The following CYRIB variants were observed in gnomAD, a reference collection of about 807,000 sequenced individuals.
The protein encoded by CYRIB is CYFIP related Rac1 interactor B, also known as CYFIP-related Rac1 interactor B.
Under a neutral mutation model 44.2 loss-of-function variants are expected in CYRIB, and 8 were observed. The observed-to-expected ratio is 0.18, with a 90% CI of 0.11 to 0.33. CYRIB has a LOEUF of 0.33. Among genes scored for constraint, CYRIB ranks in the 10% least tolerant of loss-of-function variants. The pLI is 1.00. For synonymous variants in CYRIB, 131 were observed against 127.2 expected (o/e 1.03, Z -0.20); for missense variants, 185 against 382.8 (o/e 0.48, Z 4.31).
At chr8:129,906,228 A>G (rs928073161) in intron 1 of CYRIB, among the ~76,000 whole-genome samples, 4 of 152,230 alleles carry the variant, frequency 2.6e-5, no homozygotes, top group Non-Finnish European at 5.9e-5. Context: ...TAACCAAAAC[A>G]GCATGCTACT....
chr8:129,877,435 C>T (rs1388082683), intron 3 of CYRIB, among the ~76,000 whole-genome samples: 7 of 152,008 alleles, frequency 4.6e-5, no homozygotes, highest in Admixed American at 4.6e-4. Context: ...ATCACTTGAG[C>T]TCAGGAGTTT....
intron 1 of CYRIB, among the ~76,000 whole-genome samples, chr8:129,935,459 CACA>C (rs781579773): frequency 1.3e-5 from 2 of 152,148 alleles, no homozygotes; most frequent in Non-Finnish European, 2.9e-5. Context: ...ATGCACAATT[CACA>C]ACAAGGTTCA....
At chr8:129,950,045 GT>G (rs1179968190) in intron 2 of CYRIB, among the ~76,000 whole-genome samples, 1 of 152,138 alleles carries the variant, frequency 6.6e-6, no homozygotes, top group African/African-American at 2.4e-5. Flanking sequence ...ATCAGTAAAA[GT>G]TTGGGTAAAA....
upstream of CYRIB, chr8:130,016,698 G>T (rs1423584372): frequency 6.7e-6 from 1 of 148,688 alleles, no homozygotes; most frequent in Non-Finnish European, 1.5e-5. Context: ...GCCGCATCGC[G>T]GGGCCCCGGC....
At chr8:129,943,307 C>T (rs1204934749), upstream of CYRIB, among the ~76,000 whole-genome samples, 1 of 151,968 alleles carries the variant, frequency 6.6e-6, no homozygotes, top group Admixed American at 6.6e-5. Flanking sequence ...GGACCTTTGG[C>T]CAGGTGCAGT....
chr8:129,972,877 TA>T (rs2095764777), intron 1 of CYRIB, among the ~76,000 whole-genome samples: 1 of 152,184 alleles, frequency 6.6e-6, no homozygotes, highest in African/African-American at 2.4e-5. Flanking sequence ...ATTTCCAAGC[TA>T]TAGGCAGAAA....
In CYRIB at chr8:129,976,645, T is replaced by C. The variant is rs531935940; in HGVS notation, c.-295-5650A>G. ...GAGAGGCTAATACTGCAATTAGTTA[T>C]AAGCGGTTTTTCCTTCCAATTTCTC... On this transcript the variant is annotated intron_variant, in intron 1 of 14. Transcript: ENST00000401979. Among the ~76,000 whole-genome samples the C allele has an allele frequency of 3.3e-5, 5 of 152,324 alleles. No individual in the cohort carries two copies. In the East Asian group the frequency reaches 5.8e-4, roughly 18 times the overall value.
chr8:129,879,241 T>C (rs2060101551), intron 3 of CYRIB, 148 bp downstream of exon 5: 1 of 616,024 alleles, frequency 1.6e-6, no homozygotes, highest in Non-Finnish European at 2.8e-6. Flanking sequence ...CTTCCAGTTC[T>C]AGAAGGCACC....
At chr8:129,851,842 G>A (rs2043425830) in intron 8 of CYRIB, 1 of 216,354 alleles carries the variant, frequency 4.6e-6, no homozygotes, top group African/African-American at 2.3e-5. Context: ...GATGACATAA[G>A]TTGTAAGTTT....
intron 2 of CYRIB, among the ~76,000 whole-genome samples, chr8:129,880,182 G>A (rs1714334123): frequency 6.6e-6 from 1 of 152,180 alleles, no homozygotes; most frequent in African/African-American, 2.4e-5. Flanking sequence ...CACTCAACAT[G>A]ATTTTAGCAA....
intron 2 of CYRIB, among the ~76,000 whole-genome samples, chr8:129,886,094 C>T (rs1366414781): frequency 1.3e-5 from 2 of 152,188 alleles, no homozygotes; most frequent in African/African-American, 2.4e-5. Context: ...ACTACAACAT[C>T]ATCTTTCCTG....
At chr8:129,839,628 AATTTGAAT>A (rs2035319032) in exon 12 of CYRIB, 1 of 152,236 alleles carries the variant, frequency 6.6e-6, no homozygotes, top group Admixed American at 6.5e-5. Context: ...TGAACACTAA[AATTTGAAT>A]TTCATATGCT....
At chr8:129,891,781 T>C (rs1448539396) in intron 2 of CYRIB, among the ~76,000 whole-genome samples, 1 of 152,224 alleles carries the variant, frequency 6.6e-6, no homozygotes, top group African/African-American at 2.4e-5. Flanking sequence ...CTGGCTATTA[T>C]TCTACATCCA....
chr8:129,965,248 C>CTGTGTGTGTGTGTGTGTG (rs3077879), intron 2 of CYRIB, among the ~76,000 whole-genome samples: 3 of 148,788 alleles, frequency 2.0e-5, no homozygotes, highest in Admixed American at 6.7e-5. Flanking sequence ...CCCCCAGACA[C>CTGTGTGTGTGTGTGTGTG]TGTGTGTGTG....
chr8:129,860,022 G>C (rs2132140492), intron 5 of CYRIB, among the ~76,000 whole-genome samples: 1 of 152,180 alleles, frequency 6.6e-6, no homozygotes, highest in East Asian at 1.9e-4. Flanking sequence ...AAGGGATCAG[G>C]GTCCTTCTTC....
chr8:129,880,284 C>G, intron 2 of CYRIB: 1 of 648,366 alleles, frequency 1.5e-6, no homozygotes, highest in Middle Eastern at 7.9e-4. Flanking sequence ...GTTTAATTAA[C>G]AAATATTCTG....
intron 1 of CYRIB, chr8:129,912,212 C>T (rs1037538229): frequency 1.3e-5 from 2 of 151,948 alleles, no homozygotes; most frequent in Admixed American, 6.6e-5. Context: ...TATATATACA[C>T]GCTCCAAATT....
At chr8:130,002,219 G>A (rs2096923185) in intron 1 of CYRIB, among the ~76,000 whole-genome samples, 1 of 152,192 alleles carries the variant, frequency 6.6e-6, no homozygotes, top group Non-Finnish European at 1.5e-5. Context: ...CCAGCACTTT[G>A]GGAAGCCAAG....
At chr8:129,897,864 C>A (rs2068892325) in intron 2 of CYRIB, among the ~76,000 whole-genome samples, 1 of 152,030 alleles carries the variant, frequency 6.6e-6, no homozygotes, top group African/African-American at 2.4e-5. Flanking sequence ...CTCCTGGGTT[C>A]AAGTGATTCT....
Sources: allele counts gnomAD v4.1 joint callset (sites outside exome capture counted in the v4.1 genomes callset), GRCh38; gene constraint gnomAD v4.1.1; transcripts MANE v1.5; gene names NCBI Gene and HGNC (gene_info 2026-07-23, HGNC 2026-07-21).